The following KLHDC10 variants were observed in gnomAD, a reference collection of about 807,000 sequenced individuals.
KLHDC10 encodes the protein kelch domain-containing protein 10.
A neutral mutation model predicts 56.1 loss-of-function variants in KLHDC10; 24 were observed. The ratio of observed to expected loss-of-function variants is 0.43; its 90% CI spans 0.31 to 0.60. The LOEUF (loss-of-function observed/expected upper bound fraction) is 0.60. Ranked by LOEUF, KLHDC10 falls within the 20% of genes least tolerant of loss-of-function variation. The pLI is 0.11. For missense variants in KLHDC10, 349 were observed against 567.0 expected (o/e 0.62, Z 3.91); for synonymous variants, 188 against 207.1 (o/e 0.91, Z 0.79).
At chr7:130,079,113 A>G (rs991902619) in intron 1 of KLHDC10, among the ~76,000 whole-genome samples, 1 of 151,698 alleles carries the variant, frequency 6.6e-6, no homozygotes, top group African/African-American at 2.4e-5. Context: ...GCTGGAGTAC[A>G]GTGGCTCGAT....
At position 130,123,434 on chromosome 7, in the gene KLHDC10, C is replaced by T. The variant is rs560790789; in HGVS notation, c.780-1017C>T. 1.3e-4 allele frequency among the ~76,000 whole-genome samples: 20 copies of T among 150,796 alleles called. No homozygotes were observed. In the East Asian group the frequency reaches 3.1e-3, roughly 24 times the overall value. ...GCAGTGAGCTGAGATCACGCCATTGCGCTCCAGCCTGGGCGACAGAGCAAG... is the reference window on the plus strand; with the variant it reads ...GCAGTGAGCTGAGATCACGCCATTGTGCTCCAGCCTGGGCGACAGAGCAAG... On this transcript the variant is annotated intron_variant, in intron 5 of 9. Coordinates refer to ENST00000335420, the MANE Select transcript of KLHDC10 (RefSeq NM_014997.4).
chr7:130,105,877 C>T (rs1796000742), intron 2 of KLHDC10, among the ~76,000 whole-genome samples: 1 of 152,128 alleles, frequency 6.6e-6, no homozygotes, highest in Non-Finnish European at 1.5e-5. Flanking sequence ...AGGCCGGGCG[C>T]GGTGGCTCAC....
intron 2 of KLHDC10, among the ~76,000 whole-genome samples, chr7:130,114,428 A>G (rs1796140686): frequency 6.6e-6 from 1 of 152,216 alleles, no homozygotes; most frequent in Non-Finnish European, 1.5e-5. Flanking sequence ...CAAATCTAAC[A>G]AATCTTTGAA....
chr7:130,127,843 A>G (rs757988563), intron 8 of KLHDC10, among the ~76,000 whole-genome samples: 5 of 152,228 alleles, frequency 3.3e-5, no homozygotes, highest in Non-Finnish European at 5.9e-5. Flanking sequence ...GTTATTTCAT[A>G]AAGTTGATTC....
intron 2 of KLHDC10, among the ~76,000 whole-genome samples, chr7:130,111,392 G>A (rs375502455): frequency 1.1e-4 from 17 of 152,054 alleles, no homozygotes; most frequent in African/African-American, 2.4e-4. Context: ...GAGCAGGCTG[G>A]AAGAAATACA....
At chr7:130,124,972 G>C (rs1483107138) in intron 6 of KLHDC10, among the ~76,000 whole-genome samples, 2 of 152,164 alleles carry the variant, frequency 1.3e-5, no homozygotes, top group Admixed American at 6.5e-5. Flanking sequence ...ATCCATCCCT[G>C]TGGCATTTCT....
chr7:130,111,879 A>C (rs1374025963), intron 2 of KLHDC10, among the ~76,000 whole-genome samples: 1 of 152,218 alleles, frequency 6.6e-6, no homozygotes, highest in Non-Finnish European at 1.5e-5. Flanking sequence ...GATTAACCTG[A>C]CACCAATTTA....
At chr7:130,124,585 G>A (rs1473761526) in intron 6 of KLHDC10, 50 bp downstream of exon 6, 1 of 946,076 alleles carries the variant, frequency 1.1e-6, no homozygotes, top group East Asian at 2.4e-5. Context: ...GATAGAAGGA[G>A]GCTTGCGTCA....
At chr7:130,110,130 G>T (rs1488676032) in intron 2 of KLHDC10, among the ~76,000 whole-genome samples, 1 of 152,096 alleles carries the variant, frequency 6.6e-6, no homozygotes, top group African/African-American at 2.4e-5. Flanking sequence ...TTTTCTCATA[G>T]TTACATTCAG....
At chr7:130,086,799 A>C (rs530415072) in intron 1 of KLHDC10, among the ~76,000 whole-genome samples, 15 of 152,330 alleles carry the variant, frequency 9.8e-5, no homozygotes, top group African/African-American at 3.6e-4. Context: ...AATCACTGCA[A>C]TGTATAATGA....
rs971458954 is a variant in KLHDC10, at chr7:130,120,658, A to C, written c.476-91A>C. 108 of 1,353,612 alleles carry C rather than the reference A, an allele frequency of 8.0e-5. No homozygotes were observed. In the East Asian group the frequency reaches 2.5e-3, roughly 31 times the overall value. 83.9% of individuals were successfully genotyped at this position (1,353,612 alleles called of 1,614,324 possible). ...CTATCTTATGAGATCATTAAAGCAG[A>C]TATGTGTAGCTTCTCAGATATTCTG... is the stretch of plus-strand genomic sequence containing the variant. On this transcript the variant is annotated intron_variant, in intron 3 of 9. Transcript: ENST00000335420. The surrounding 1 kb of genome is among the most constrained non-coding windows in gnomAD (Gnocchi z 5.1).
chr7:130,128,889 A>AAAAAAAAATATATAT, intron 8 of KLHDC10, among the ~76,000 whole-genome samples: 8 of 66,958 alleles, frequency 1.2e-4, no homozygotes, highest in African/African-American at 2.2e-4. Flanking sequence ...AAAAAAAAAA[A>AAAAAAAAATATATAT]ATATATATAT....
chr7:130,116,917 A>C lies in KLHDC10; in HGVS notation c.475+251A>C, dbSNP rs1167110296. Reference sequence around the variant, plus strand: ...CAAAATGGGATTAATAATATCTTAGAGGGTTCAATATAAAGTATCACGCAG... The same window carrying C: ...CAAAATGGGATTAATAATATCTTAGCGGGTTCAATATAAAGTATCACGCAG... On this transcript the variant is annotated intron_variant, in intron 3 of 9. Transcript: ENST00000335420. The surrounding 1 kb of genome is among the most constrained non-coding windows in gnomAD (Gnocchi z 4.8). 6.6e-6 allele frequency among the ~76,000 whole-genome samples: 1 copy of C among 152,154 alleles called. No individual in the cohort carries two copies. The highest frequency in any genetic ancestry group is 1.5e-5 in the Non-Finnish European group (1 of 68,036).
intron 2 of KLHDC10, among the ~76,000 whole-genome samples, chr7:130,101,669 G>A (rs1224273741): frequency 1.3e-5 from 2 of 152,030 alleles, no homozygotes; most frequent in South Asian, 2.1e-4. Flanking sequence ...TGCGAGCATC[G>A]ATTAAGACTG....
chr7:130,095,435 C>T (rs1341734808), intron 1 of KLHDC10, among the ~76,000 whole-genome samples: 1 of 152,094 alleles, frequency 6.6e-6, no homozygotes, highest in Non-Finnish European at 1.5e-5. Context: ...AACTTATTGC[C>T]TTGTCCATAT....
At chr7:130,103,366 A>G (rs986849284) in intron 2 of KLHDC10, among the ~76,000 whole-genome samples, 1 of 150,588 alleles carries the variant, frequency 6.6e-6, no homozygotes, top group Non-Finnish European at 1.5e-5. Context: ...CAGAGGTTGC[A>G]GTGAGCTGAG....
intron 6 of KLHDC10, 56 bp from the exon 7 acceptor site, chr7:130,125,809 G>T: frequency 7.4e-7 from 1 of 1,345,122 alleles, no homozygotes; most frequent in Non-Finnish European, 1.0e-6. Context: ...CCTTTTTCAG[G>T]CTAGCTAAAA....
Position 130,070,607 on chromosome 7 carries a change from G to GC in KLHDC10, c.-36dup. 7.7e-7 allele frequency: 1 copy of GC among 1,301,816 alleles called. No homozygotes were observed. The highest frequency in any genetic ancestry group is 9.8e-7 in the Non-Finnish European group (1 of 1,020,540). The allele number at this position is 1,301,816 out of a possible 1,614,324, so 80.6% of individuals were successfully genotyped here. A position where few individuals can be genotyped will look rare whatever the true frequency, so the allele number is the denominator to read the frequency against. ...CTCCGCTGGTTCCGCTGGGTCAGGC[G>GC]CTGACGGGACCGGGCTGCGGCAATC... On this transcript the variant is annotated 5_prime_UTR_variant, in exon 1 of 10. Coordinates refer to ENST00000335420, the MANE Select transcript of KLHDC10 (RefSeq NM_014997.4).
intron 1 of KLHDC10, among the ~76,000 whole-genome samples, chr7:130,096,359 C>T (rs979303589): frequency 3.3e-5 from 5 of 152,074 alleles, no homozygotes; most frequent in African/African-American, 1.2e-4. Flanking sequence ...GAGCCCCTTC[C>T]CTCCCTTCCC....
Sources: allele counts gnomAD v4.1 joint callset (sites outside exome capture counted in the v4.1 genomes callset), GRCh38; gene constraint gnomAD v4.1.1; non-coding constraint Gnocchi (gnomAD v3.1); transcripts MANE v1.5; gene names NCBI Gene and HGNC (gene_info 2026-07-23, HGNC 2026-07-21).